The following TSPAN18 variants were observed in gnomAD, a reference collection of about 807,000 sequenced individuals.
TSPAN18 encodes tetraspanin 18, also known as tetraspanin-18.
TSPAN18 carries 14 observed loss-of-function variants against 27.3 expected under a neutral mutation model. The observed-to-expected ratio is 0.51, with a 90% CI of 0.34 to 0.80. The LOEUF is 0.80. Ranked by LOEUF, TSPAN18 falls within the 30% of genes least tolerant of loss-of-function variation. The pLI is 0.01. For missense variants in TSPAN18, 268 were observed against 323.9 expected, an observed-to-expected ratio of 0.83 and a Z score of 1.32; for synonymous variants, 143 against 136.5, an observed-to-expected ratio of 1.05 and a Z score of -0.33.
At chr11:44,750,965 G>T (rs964103447) in intron 1 of TSPAN18, among the ~76,000 whole-genome samples, 44 of 152,354 alleles carry the variant, frequency 2.9e-4, no homozygotes, top group Non-Finnish European at 1.5e-4. Context: ...GCTGAAAGCA[G>T]GCTGCCCTTT....
chr11:44,872,054 G>A (rs767863071), intron 3 of TSPAN18, among the ~76,000 whole-genome samples: 2 of 152,106 alleles, frequency 1.3e-5, no homozygotes, highest in African/African-American at 2.4e-5. Context: ...CTCCCGAGTA[G>A]CTGGGATTAC....
intron 3 of TSPAN18, among the ~76,000 whole-genome samples, chr11:44,864,796 G>A (rs368381827): frequency 6.6e-6 from 1 of 152,194 alleles, no homozygotes; most frequent in African/African-American, 2.4e-5. Context: ...ATCCTGAACT[G>A]CAAAGGGTTT....
At chr11:44,747,000 C>T (rs1855093289) in intron 1 of TSPAN18, among the ~76,000 whole-genome samples, 1 of 152,236 alleles carries the variant, frequency 6.6e-6, no homozygotes, top group African/African-American at 2.4e-5. Flanking sequence ...CTGGCGGTTC[C>T]CTCCTCGCTG....
chr11:44,867,710 G>C (rs1315364042), intron 3 of TSPAN18, among the ~76,000 whole-genome samples: 1 of 152,172 alleles, frequency 6.6e-6, no homozygotes, highest in African/African-American at 2.4e-5. Context: ...GTTTATGTAT[G>C]TTTTAAAAGG....
At chr11:44,918,134 G>T in intron 6 of TSPAN18, 88 bp downstream of exon 6, 3 of 1,370,662 alleles carry the variant, frequency 2.2e-6, no homozygotes, top group Non-Finnish European at 3.1e-6. Context: ...CTCCTTGAAG[G>T]GTCTCAGAGA....
In TSPAN18 at chr11:44,854,628, C is replaced by T. The variant is rs371280397; in HGVS notation, c.-152-5700C>T. Among the ~76,000 whole-genome samples the T allele has an allele frequency of 8.5e-5, 13 of 152,290 alleles. No homozygotes were observed. The East Asian group carries it at 9.7e-4, about 11-fold the overall frequency. Reference sequence around the variant, plus strand: ...GTAGGAACCACTTGGGCTGAGGCCCCGGTACCAGCACAGCACACCCATTAG... The same window carrying T: ...GTAGGAACCACTTGGGCTGAGGCCCTGGTACCAGCACAGCACACCCATTAG... On this transcript the variant is annotated intron_variant, in intron 2 of 9. Coordinates refer to ENST00000520358, the MANE Select transcript of TSPAN18 (RefSeq NM_130783.5).
intron 3 of TSPAN18, among the ~76,000 whole-genome samples, chr11:44,885,342 C>T (rs1170104972): frequency 6.6e-6 from 1 of 151,980 alleles, no homozygotes; most frequent in Admixed American, 6.5e-5. Flanking sequence ...ATGATTGTTA[C>T]TATTATTTTT....
chr11:44,882,627 C>CACACACACACAGAG (rs375349718), intron 3 of TSPAN18, among the ~76,000 whole-genome samples: 7,484 of 130,290 alleles, frequency 0.057, 229 homozygotes, highest in Middle Eastern at 0.082. Context: ...CACACACACA[C>CACACACACACAGAG]AGAGAGAGAG....
rs1856896980 is a variant in TSPAN18 at position 44,820,108 on chromosome 11, C to T, written c.-152-40220C>T. Among the ~76,000 whole-genome samples the T allele has an allele frequency of 2.0e-5, 3 of 152,200 alleles. No individual in the cohort carries two copies. In the South Asian group the frequency reaches 6.2e-4, roughly 31 times the overall value. ...CCTGCGACCAGCAAATGGAAGAATT[C>T]TATCTCTGGCCAGGCTCCTTCAGGG... On this transcript the variant is annotated intron_variant, in intron 2 of 9. Coordinates refer to ENST00000520358, the MANE Select transcript of TSPAN18 (RefSeq NM_130783.5).
intron 2 of TSPAN18, among the ~76,000 whole-genome samples, chr11:44,782,020 G>C (rs987795321): frequency 1.3e-5 from 2 of 152,158 alleles, no homozygotes; most frequent in African/African-American, 4.8e-5. Context: ...TGTTTTAGTA[G>C]TTTATTACTT....
Position 44,930,903 on chromosome 11 carries a change from G to A in TSPAN18, c.*1725G>A, listed in dbSNP as rs756331046. The stretch of plus-strand genomic sequence containing the variant: ...CTGTCTCACAAGCCACCGGCATCCT[G>A]TATCAGCTTCCAGCCTCCCCTCAGG... On this transcript the variant is annotated 3_prime_UTR_variant, in exon 10 of 10. Transcript: ENST00000520358. 1.9e-6 allele frequency: 1 copy of A among 525,938 alleles called. No homozygotes were observed. The highest frequency in any genetic ancestry group is 1.9e-5 in the African/African-American group (1 of 51,816). 32.6% of individuals were successfully genotyped at this position (525,938 alleles called of 1,614,324 possible). A position where few individuals can be genotyped will look rare whatever the true frequency, so the allele number is the denominator to read the frequency against.
intron 2 of TSPAN18, among the ~76,000 whole-genome samples, chr11:44,804,527 G>A (rs1489927599): frequency 2.6e-5 from 4 of 152,138 alleles, no homozygotes; most frequent in African/African-American, 9.7e-5. Flanking sequence ...AGGAAAGGAG[G>A]GAGGGAAGGA....
chr11:44,806,728 A>G (rs185652260), intron 2 of TSPAN18, among the ~76,000 whole-genome samples: 20 of 152,170 alleles, frequency 1.3e-4, no homozygotes, highest in African/African-American at 4.3e-4. Flanking sequence ...GATTCCAGAG[A>G]CTCTCTCCAA....
chr11:44,891,914 AAG>A (rs1483722476), intron 3 of TSPAN18, among the ~76,000 whole-genome samples: 1 of 152,196 alleles, frequency 6.6e-6, no homozygotes, highest in African/African-American at 2.4e-5. Context: ...TGAATGAATC[AAG>A]AGTGTTATGG....
At chr11:44,850,881 T>C (rs1307778236) in intron 2 of TSPAN18, among the ~76,000 whole-genome samples, 3 of 152,118 alleles carry the variant, frequency 2.0e-5, no homozygotes, top group Non-Finnish European at 4.4e-5. Flanking sequence ...CACCTCACCT[T>C]TACCCATCTG....
chr11:44,783,646 C>T (rs931565110), intron 2 of TSPAN18, among the ~76,000 whole-genome samples: 1 of 152,198 alleles, frequency 6.6e-6, no homozygotes, highest in African/African-American at 2.4e-5. Flanking sequence ...GTCCGCCTGC[C>T]TCAGCCTCCC....
At chr11:44,742,422 C>T (rs1456324063) in intron 1 of TSPAN18, among the ~76,000 whole-genome samples, 1 of 151,590 alleles carries the variant, frequency 6.6e-6, no homozygotes. Context: ...TCCTTCCTCC[C>T]TCCCTTGCAT....
intron 3 of TSPAN18, among the ~76,000 whole-genome samples, chr11:44,862,475 C>T (rs1436980820): frequency 3.3e-5 from 5 of 152,228 alleles, no homozygotes; most frequent in Non-Finnish European, 4.4e-5. Flanking sequence ...GCTCAGCGCT[C>T]AGCACCACCC....
chr11:44,908,768 G>GAAA (rs773586685), intron 4 of TSPAN18, among the ~76,000 whole-genome samples: 8,808 of 27,650 alleles, frequency 0.32, 1,169 homozygotes, highest in South Asian at 0.37. Context: ...GAGAGAGAAA[G>GAAA]GAGAAAGAAA....
Sources: allele counts gnomAD v4.1 joint callset (sites outside exome capture counted in the v4.1 genomes callset), GRCh38; gene constraint gnomAD v4.1.1; transcripts MANE v1.5; gene names NCBI Gene and HGNC (gene_info 2026-07-23, HGNC 2026-07-21).